Variants in LOXL1 observed in about 807,000 individuals in gnomAD.
LOXL1 encodes the protein lysyl oxidase homolog 1.
Under a neutral mutation model 62.2 loss-of-function variants are expected in LOXL1, and 31 were observed. That is an observed-to-expected ratio of 0.50 (90% CI 0.37 to 0.67). The LOEUF is 0.67. LOXL1 is among the 30% of genes least tolerant of loss of function. The pLI is 0.00. For synonymous variants in LOXL1, 403 were observed against 384.4 expected, an observed-to-expected ratio of 1.05 and a Z score of -0.56; for missense variants, 775 against 843.4, an observed-to-expected ratio of 0.92 and a Z score of 1.00.
rs1567088848 is a variant in LOXL1 at position 73,945,100 on chromosome 15, A to ATG, written c.1212-1307_1212-1306dup. Among the ~76,000 whole-genome samples the ATG allele has an allele frequency of 6.6e-6, 1 of 152,060 alleles. No individual in the cohort carries two copies. The highest frequency in any genetic ancestry group is 1.9e-4 in the East Asian group (1 of 5,180). ...TGTGTGCATGTGTGTGTATGTGTGC[A>ATG]TGTGTGTGTGTCTCCCCTCACTGCA... On this transcript the variant is annotated intron_variant, in intron 2 of 6. Coordinates refer to ENST00000261921, the MANE Select transcript of LOXL1 (RefSeq NM_005576.4). This position sits in a 1 kb window ranked among gnomAD's most constrained non-coding sequence, Gnocchi z 4.3.
chr15:73,936,136 C>G (rs2068670622), intron 1 of LOXL1, among the ~76,000 whole-genome samples: 1 of 152,064 alleles, frequency 6.6e-6, no homozygotes, highest in Admixed American at 6.5e-5. Context: ...CTTTAGCTGC[C>G]ACTCTGAGAC....
chr15:73,945,100 ATGTG>A lies in LOXL1; in HGVS notation c.1212-1309_1212-1306del, dbSNP rs1567088848. Among the ~76,000 whole-genome samples, 5 of 152,178 alleles carry A rather than the reference ATGTG, an allele frequency of 3.3e-5. No individual in the cohort carries two copies. The highest frequency in any genetic ancestry group is 1.2e-4 in the African/African-American group (5 of 41,508). On this transcript the variant is annotated intron_variant, in intron 2 of 6. Transcript: ENST00000261921. This position sits in a 1 kb window ranked among gnomAD's most constrained non-coding sequence, Gnocchi z 4.3. ...TGTGTGCATGTGTGTGTATGTGTGC[ATGTG>A]TGTGTGTCTCCCCTCACTGCAGCCC... is the stretch of plus-strand genomic sequence containing the variant.
chr15:73,931,411 C>A (rs2068634883), intron 1 of LOXL1, among the ~76,000 whole-genome samples: 1 of 152,172 alleles, frequency 6.6e-6, no homozygotes, highest in Admixed American at 6.5e-5. Context: ...GGTTACTCCT[C>A]TGCTCAAGAA....
At chr15:73,951,229 GGGCTGTC>G (rs1189455639) in intron 6 of LOXL1, among the ~76,000 whole-genome samples, 15 of 152,242 alleles carry the variant, frequency 9.9e-5, no homozygotes, top group Non-Finnish European at 1.9e-4. Context: ...GCAGCCAGGA[GGGCTGTC>G]GGCAGGGCAG....
intron 1 of LOXL1, among the ~76,000 whole-genome samples, chr15:73,940,453 GTT>G (rs77904740): frequency 6.9e-5 from 10 of 145,856 alleles, no homozygotes; most frequent in East Asian, 2.0e-4. Flanking sequence ...AGCAATTCCT[GTT>G]TTTTTTTTTT....
Position 73,927,739 on chromosome 15 carries a change from A to G in LOXL1, c.956A>G (p.Glu319Gly), listed in dbSNP as rs2068598296. 1 of 1,459,512 alleles carries G rather than the reference A, an allele frequency of 6.9e-7. No homozygotes were observed. The highest frequency in any genetic ancestry group is 9.0e-7 in the Non-Finnish European group (1 of 1,112,250). The allele number at this position is 1,459,512 out of a possible 1,614,324, so 90.4% of individuals were successfully genotyped here. The change falls in exon 1 of 7, where the codon GAG becomes GGG. Residue 319 changes from glutamate to glycine, a missense_variant. Physicochemically the swap from Glu to Gly is moderately conservative, Grantham distance 98 (BLOSUM62 -2). Transcript: ENST00000261921. ...CCGCCCTACGCCAACCCGCCGCCCG[A>G]GGCGTACGGGCCGCCGCGCGCGCTG... Reference protein sequence around the residue: ...WYPPYANPPPEAYGPPRALEP... With the variant: ...WYPPYANPPPGAYGPPRALEP...
rs2068597574 is a variant in LOXL1, at chr15:73,927,701, C to T, written c.918C>T (p.Arg306=). 6.8e-7 allele frequency: 1 copy of T among 1,480,054 alleles called. No individual in the cohort carries two copies. The highest frequency in any genetic ancestry group is 8.9e-7 in the Non-Finnish European group (1 of 1,122,752). 91.7% of individuals were successfully genotyped at this position (1,480,054 alleles called of 1,614,324 possible). A position where few individuals can be genotyped will look rare whatever the true frequency, so the allele number is the denominator to read the frequency against. Residue 306 remains arginine, a synonymous_variant, in exon 1 of 7, where the codon CGC becomes CGT. Coordinates refer to ENST00000261921, the MANE Select transcript of LOXL1 (RefSeq NM_005576.4). ...CGCAGGCCCATGGCGGAGACCCACG[C>T]CTGGGCTGGTACCCGCCCTACGCCA... ...EAAQAHGGDP[R]LGWYPPYANP...
intron 6 of LOXL1, among the ~76,000 whole-genome samples, chr15:73,950,513 G>A (rs1477255568): frequency 6.6e-6 from 1 of 152,012 alleles, no homozygotes; most frequent in Non-Finnish European, 1.5e-5. Context: ...GGCTCAGTGT[G>A]TGACAAGGGT....
At chr15:73,937,767 T>A (rs1303473913) in intron 1 of LOXL1, among the ~76,000 whole-genome samples, 1 of 152,182 alleles carries the variant, frequency 6.6e-6, no homozygotes, top group Non-Finnish European at 1.5e-5. Context: ...GTGGCCAGGG[T>A]TTTCCTGGGT....
intron 1 of LOXL1, among the ~76,000 whole-genome samples, chr15:73,932,656 G>A (rs2068643225): frequency 6.6e-6 from 1 of 152,188 alleles, no homozygotes; most frequent in South Asian, 2.1e-4. Context: ...CTAAGTGCCG[G>A]ACACTGTTCT....
rs752134270 is a variant in LOXL1, at chr15:73,927,203, C to T, written c.420C>T (p.Ala140=). The T allele has an allele frequency of 1.3e-4, 204 of 1,593,086 alleles. 2 individuals are homozygous for T. In the East Asian group the frequency reaches 4.6e-3, roughly 36 times the overall value. The change falls in exon 1 of 7, where the codon GCC becomes GCT. Residue 140 remains alanine, a synonymous_variant. Transcript: ENST00000261921. ...CCGTCGGGGACAGCACGGGCATGGC[C>T]CGGGCCCGCACCTCCGTCTCCCAGC... ...EVAVGDSTGM[A]RARTSVSQQR...
intron 2 of LOXL1, among the ~76,000 whole-genome samples, chr15:73,943,303 G>A (rs977325426): frequency 1.3e-5 from 2 of 152,204 alleles, no homozygotes; most frequent in Non-Finnish European, 2.9e-5. Context: ...CAAACCTTTT[G>A]GATCTGAGCT....
chr15:73,928,093 A>C, intron 1 of LOXL1: 1 of 427,834 alleles, frequency 2.3e-6, no homozygotes, highest in Non-Finnish European at 4.0e-6. Flanking sequence ...CCCAGGCATC[A>C]TCAGTGCCAG....
chr15:73,934,530 C>A (rs528352625), intron 1 of LOXL1, among the ~76,000 whole-genome samples: 1 of 152,314 alleles, frequency 6.6e-6, no homozygotes, highest in Admixed American at 6.5e-5. Context: ...ATACCACTCA[C>A]CCCTGCCCTC....
chr15:73,926,695 C>T lies in LOXL1; in HGVS notation c.-89C>T. ...GAGCTGGGGCAAGCAAGGAGCCTTC[C>T]TGTCCTCGAGGCCGTGGGAAGAGAA... is the stretch of plus-strand genomic sequence containing the variant. On this transcript the variant is annotated 5_prime_UTR_variant, in exon 1 of 7. Coordinates refer to ENST00000261921, the MANE Select transcript of LOXL1 (RefSeq NM_005576.4). The T allele has an allele frequency of 7.5e-7, 1 of 1,329,332 alleles. No individual in the cohort carries two copies. The highest frequency in any genetic ancestry group is 9.7e-7 in the Non-Finnish European group (1 of 1,029,550). The allele number at this position is 1,329,332 out of a possible 1,614,324, so 82.3% of individuals were successfully genotyped here. A position where few individuals can be genotyped will look rare whatever the true frequency, so the allele number is the denominator to read the frequency against.
At chr15:73,936,234 G>T (rs1326167023) in intron 1 of LOXL1, among the ~76,000 whole-genome samples, 2 of 152,190 alleles carry the variant, frequency 1.3e-5, no homozygotes, top group Non-Finnish European at 2.9e-5. Context: ...GCTTGAGCTG[G>T]GTTACATCTT....
At chr15:73,935,251 A>G (rs919815413) in intron 1 of LOXL1, among the ~76,000 whole-genome samples, 2 of 152,088 alleles carry the variant, frequency 1.3e-5, no homozygotes, top group African/African-American at 2.4e-5. Flanking sequence ...GCTGTTCCAG[A>G]GAGTAGGAAG....
At chr15:73,936,641 G>A (rs2068675182) in intron 1 of LOXL1, among the ~76,000 whole-genome samples, 1 of 152,252 alleles carries the variant, frequency 6.6e-6, no homozygotes, top group Admixed American at 6.5e-5. Context: ...GGAGAGGAAA[G>A]ATTCCAGAGA....
At chr15:73,949,362 T>C in intron 5 of LOXL1, 97 bp from the exon 6 acceptor site, 1 of 765,414 alleles carries the variant, frequency 1.3e-6, no homozygotes, top group Non-Finnish European at 2.4e-6. Flanking sequence ...CACCTCTCTG[T>C]CTGTCTGTCT....
Sources: allele counts gnomAD v4.1 joint callset (sites outside exome capture counted in the v4.1 genomes callset), GRCh38; gene constraint gnomAD v4.1.1; non-coding constraint Gnocchi (gnomAD v3.1); transcripts MANE v1.5; gene names NCBI Gene and HGNC (gene_info 2026-07-23, HGNC 2026-07-21).